The following PDE3B variants were observed in gnomAD, a reference collection of about 807,000 sequenced individuals.
PDE3B encodes cGMP-inhibited 3',5'-cyclic phosphodiesterase 3B.
PDE3B carries 66 observed loss-of-function variants against 116.8 expected under a neutral mutation model. The observed-to-expected ratio is 0.56, with a 90% CI of 0.46 to 0.69. PDE3B has a LOEUF of 0.69. Among genes scored for constraint, PDE3B ranks in the 30% least tolerant of loss-of-function variants. The pLI is 0.00. For synonymous variants in PDE3B, 595 were observed against 533.6 expected (o/e 1.12, Z -1.59); for missense variants, 1,384 against 1,368.1 (o/e 1.01, Z -0.18).
At chr11:14,860,333 C>T (rs931065864) in intron 13 of PDE3B, among the ~76,000 whole-genome samples, 3 of 151,254 alleles carry the variant, frequency 2.0e-5, no homozygotes, top group Admixed American at 6.6e-5. Flanking sequence ...ATCAAAAGAG[C>T]TCTTCTCTCA....
chr11:14,672,833 G>A (rs1391372467), intron 1 of PDE3B, among the ~76,000 whole-genome samples: 2 of 151,900 alleles, frequency 1.3e-5, no homozygotes, highest in Non-Finnish European at 2.9e-5. Flanking sequence ...ATATTCCACT[G>A]GTACTTAGTC....
At chr11:14,691,586 G>A (rs867957275) in intron 1 of PDE3B, among the ~76,000 whole-genome samples, 16 of 152,238 alleles carry the variant, frequency 1.1e-4, no homozygotes, top group Admixed American at 7.2e-4. Context: ...TCATCAAAAT[G>A]TATTGAATGT....
chr11:14,872,067 CCTG>C (rs1848149592), downstream of PDE3B: 1 of 152,142 alleles, frequency 6.6e-6, no homozygotes, highest in Admixed American at 6.5e-5. Flanking sequence ...AAAGCTGTTT[CCTG>C]CTATTATTTC....
chr11:14,658,597 C>T (rs562756542), intron 1 of PDE3B, among the ~76,000 whole-genome samples: 6 of 152,230 alleles, frequency 3.9e-5, no homozygotes, highest in African/African-American at 7.2e-5. Flanking sequence ...CCTCGTGATC[C>T]GCCCGCCTCG....
intron 1 of PDE3B, among the ~76,000 whole-genome samples, chr11:14,703,349 A>T (rs530061429): frequency 3.9e-5 from 6 of 151,914 alleles, no homozygotes; most frequent in African/African-American, 1.4e-4. Flanking sequence ...GTGGAGAAGT[A>T]TAAAGAAAAA....
intron 1 of PDE3B, among the ~76,000 whole-genome samples, chr11:14,721,471 A>T (rs920845940): frequency 1.3e-5 from 2 of 151,604 alleles, no homozygotes; most frequent in African/African-American, 4.9e-5. Context: ...AGACACATGC[A>T]CACGTATGTT....
intron 1 of PDE3B, among the ~76,000 whole-genome samples, chr11:14,767,477 T>G (rs796634898): frequency 3.3e-5 from 5 of 151,702 alleles, no homozygotes; most frequent in African/African-American, 1.2e-4. Flanking sequence ...TACCCTATTT[T>G]TATCAATATC....
intron 4 of PDE3B, among the ~76,000 whole-genome samples, chr11:14,800,322 G>C (rs1858712003): frequency 1.3e-5 from 2 of 152,232 alleles, no homozygotes; most frequent in South Asian, 2.1e-4. Flanking sequence ...AAAGTTAGCT[G>C]GGCGTGGTGG....
At chr11:14,887,258 ATAGAGCTTCAGGG>A in the PDE3B span, 1 of 152,240 alleles carries the variant, frequency 6.6e-6, no homozygotes, top group East Asian at 1.9e-4. Flanking sequence ...GTATTTCAGG[ATAGAGCTTCAGGG>A]TAGAGCTTCA....
chr11:14,699,382 A>C (rs1855301279), intron 1 of PDE3B: 1 of 151,858 alleles, frequency 6.6e-6, no homozygotes, highest in African/African-American at 2.4e-5. Flanking sequence ...CTAGTACCTT[A>C]TTTTCCCACA....
At chr11:14,645,427 C>A (rs1372142448) in intron 1 of PDE3B, among the ~76,000 whole-genome samples, 1 of 152,046 alleles carries the variant, frequency 6.6e-6, no homozygotes, top group African/African-American at 2.4e-5. Flanking sequence ...CTTTTTGGTG[C>A]CATTTATCTG....
Position 14,645,045 on chromosome 11 carries a change from A to G in PDE3B, c.970A>G (p.Arg324Gly), listed in dbSNP as rs1443909229. The part of the protein sequence containing the change: ...FRRPSLPCIS[R>G]EQMILWDWDL... ...GAGACCGTCGTTGCCTTGTATTTCC[A>G]GAGAACAGGTATGTTAGCTGGAAGG... The change falls in exon 1 of 16, where the codon AGA becomes GGA. Residue 324 changes from arginine (R) to glycine (G), a missense_variant. This residue lies in a region of PDE3B where 956 missense variants were observed against 806.8 expected (regional missense o/e 1.18). Coordinates refer to ENST00000282096, the MANE Select transcript of PDE3B (RefSeq NM_000922.4). 6.2e-7 allele frequency: 1 copy of G among 1,607,240 alleles called. No homozygotes were observed. The highest frequency in any genetic ancestry group is 1.1e-5 in the South Asian group (1 of 90,390).
At chr11:14,660,997 A>G (rs1415741481) in intron 1 of PDE3B, among the ~76,000 whole-genome samples, 1 of 152,226 alleles carries the variant, frequency 6.6e-6, no homozygotes, top group African/African-American at 2.4e-5. Flanking sequence ...TTAGAATGGC[A>G]GTCATTAAAA....
intron 11 of PDE3B, among the ~76,000 whole-genome samples, chr11:14,842,215 T>G (rs969201702): frequency 1.3e-5 from 2 of 152,224 alleles, no homozygotes; most frequent in African/African-American, 4.8e-5. Flanking sequence ...AGCAAATTTT[T>G]AAAATCACAG....
chr11:14,794,098 C>T (rs578189628), intron 4 of PDE3B, among the ~76,000 whole-genome samples: 39 of 152,214 alleles, frequency 2.6e-4, no homozygotes, highest in African/African-American at 7.9e-4. Flanking sequence ...TAACTTTTGA[C>T]GTCTCTTGTT....
intron 5 of PDE3B, among the ~76,000 whole-genome samples, chr11:14,804,718 A>G (rs976046945): frequency 9.9e-5 from 15 of 152,170 alleles, no homozygotes; most frequent in African/African-American, 2.7e-4. Context: ...AAAGATCTAT[A>G]TATGATATTG....
Position 14,714,539 on chromosome 11 carries a change from C to CAA in PDE3B, c.979-57379_979-57378dup, listed in dbSNP as rs759855381. On this transcript the variant is annotated intron_variant, in intron 1 of 15. Transcript: ENST00000282096. ...TGGGTGACCCAGCTAAACCCTGTCT[C>CAA]AAAAAAAAAAAAAAAAAAAAGAAAT... 1.3e-3 allele frequency among the ~76,000 whole-genome samples: 97 copies of CAA among 76,100 alleles called. 2 individuals carry two copies. Among genetic ancestry groups the CAA allele is most frequent in the African/African-American group, 4.2e-3 (75 of 17,928 alleles). The allele number at this position is 76,100 out of a possible 152,430, so 49.9% of individuals were successfully genotyped here.
chr11:14,683,418 C>CAAACTTATTGTTTGA (rs1403986742), intron 1 of PDE3B, among the ~76,000 whole-genome samples: 5 of 151,952 alleles, frequency 3.3e-5, no homozygotes, highest in Non-Finnish European at 5.9e-5. Flanking sequence ...TTGAATTTTT[C>CAAACTTATTGTTTGA]AAGTAATCGA....
chr11:14,804,622 C>A (rs191619501), intron 5 of PDE3B, among the ~76,000 whole-genome samples: 1 of 151,934 alleles, frequency 6.6e-6, no homozygotes, highest in Non-Finnish European at 1.5e-5. Context: ...TATACAATTA[C>A]AAAATTCTTT....
Sources: allele counts gnomAD v4.1 joint callset (sites outside exome capture counted in the v4.1 genomes callset), GRCh38; gene constraint gnomAD v4.1.1; regional missense constraint gnomAD v4.1.1; transcripts MANE v1.5; gene names NCBI Gene and HGNC (gene_info 2026-07-23, HGNC 2026-07-21).